GOLGA3: variants seen among roughly 807,000 people sequenced by gnomAD.
GOLGA3 encodes golgin A3.
A neutral mutation model predicts 169.4 loss-of-function variants in GOLGA3; 75 were observed. The observed-to-expected ratio is 0.44, with a 90% CI of 0.37 to 0.54. GOLGA3 has a LOEUF of 0.54. Among genes scored for constraint, GOLGA3 ranks in the 20% least tolerant of loss-of-function variants. GOLGA3 has a pLI of 0.00. For synonymous variants in GOLGA3, 824 were observed against 822.4 expected (o/e 1.00, Z -0.03); for missense variants, 1,899 against 1,930.0 (o/e 0.98, Z 0.30).
Position 132,804,972 on chromosome 12 carries a change from C to G in GOLGA3, c.1341G>C (p.Thr447=). Residue 447 remains threonine, a synonymous_variant, in exon 7 of 24, where the codon ACG becomes ACC. Coordinates refer to ENST00000450791, the MANE Select transcript of GOLGA3 (RefSeq NM_001389683.1). The surrounding 1 kb of genome is among the most constrained non-coding windows in gnomAD (Gnocchi z 4.1). The part of the protein sequence containing the change: ...ELQAQLAALS[T]KLQAQVECSH... ...TGCACTCCACCTGCGCCTGCAGCTTCGTGCTGAGGGCGGCCAGCTGGGCCT... is the reference window on the plus strand; with the variant it reads ...TGCACTCCACCTGCGCCTGCAGCTTGGTGCTGAGGGCGGCCAGCTGGGCCT... 6.2e-7 allele frequency: 1 copy of G among 1,612,692 alleles called. No homozygotes were observed. The highest frequency in any genetic ancestry group is 8.5e-7 in the Non-Finnish European group (1 of 1,179,914).
chr12:132,781,060 A>C (rs1593243457), intron 17 of GOLGA3, 146 bp from the exon 18 acceptor site: 1 of 352,986 alleles, frequency 2.8e-6, no homozygotes, highest in Non-Finnish European at 5.1e-6. Flanking sequence ...AATCTGTGAC[A>C]AAAACAGAAT....
chr12:132,825,298 C>T (rs1950367194), intron 1 of GOLGA3, among the ~76,000 whole-genome samples: 1 of 152,080 alleles, frequency 6.6e-6, no homozygotes, highest in African/African-American at 2.4e-5. Context: ...TCTCGTCTAC[C>T]CCCTCTGCCA....
intron 13 of GOLGA3, among the ~76,000 whole-genome samples, 169 bp from the exon 14 acceptor site, chr12:132,786,956 CTT>C (rs1273463471): frequency 6.9e-6 from 1 of 145,212 alleles, no homozygotes; most frequent in Admixed American, 6.9e-5. Context: ...ACAAACCACT[CTT>C]TTTTTTTTTT....
Position 132,776,932 on chromosome 12 carries a change from C to A in GOLGA3, c.3855+26G>T, listed in dbSNP as rs143224687. 6 of 1,559,746 alleles carry A rather than the reference C, an allele frequency of 3.8e-6. No homozygotes were observed. The African/African-American group carries it at 8.2e-5, about 21-fold the overall frequency. On this transcript the variant is annotated intron_variant, in intron 20 of 23. Coordinates refer to ENST00000450791, the MANE Select transcript of GOLGA3 (RefSeq NM_001389683.1). ...CAGGGCACCCGTGAGTCCAGCCCTG[C>A]AAGTCCAGCCCCCGTGAACCGTCAC...
rs545869283 is a variant in GOLGA3, at chr12:132,792,442, G to A, written c.2470-1149C>T. The stretch of plus-strand genomic sequence containing the variant: ...TTTACAGAACCCGGTGTTGGGCTGC[G>A]CCCACAGGCTGAGGGTGCTGACCCC... On this transcript the variant is annotated intron_variant, in intron 11 of 23. Coordinates refer to ENST00000450791, the MANE Select transcript of GOLGA3 (RefSeq NM_001389683.1). Among the ~76,000 whole-genome samples the A allele has an allele frequency of 8.1e-4, 124 of 152,330 alleles. 1 individual carries two copies. The highest frequency in any genetic ancestry group is 2.7e-3 in the African/African-American group (113 of 41,574).
intron 1 of GOLGA3, among the ~76,000 whole-genome samples, chr12:132,823,161 G>T (rs746727288): frequency 6.6e-6 from 1 of 152,224 alleles, no homozygotes; most frequent in Non-Finnish European, 1.5e-5. Context: ...GGCATCTCAC[G>T]GCAGGGCCCG....
In GOLGA3 at chr12:132,819,007, G is replaced by A. The variant is rs1179607736; in HGVS notation, c.134-2195C>T. On this transcript the variant is annotated intron_variant, in intron 2 of 23. Coordinates refer to ENST00000450791, the MANE Select transcript of GOLGA3 (RefSeq NM_001389683.1). ...AAAGAAAGATTTCTTTCAATGAAGTGATTTTCAGTCTTTTCCCTGCCCCCT... is the reference window on the plus strand; with the variant it reads ...AAAGAAAGATTTCTTTCAATGAAGTAATTTTCAGTCTTTTCCCTGCCCCCT... Among the ~76,000 whole-genome samples, 11 of 150,508 alleles carry A rather than the reference G, an allele frequency of 7.3e-5. No individual in the cohort carries two copies. In the South Asian group the frequency reaches 2.1e-3, roughly 28 times the overall value.
At chr12:132,808,699 G>A (rs1324935541) in intron 4 of GOLGA3, 150 bp from the exon 5 acceptor site, 14 of 702,000 alleles carry the variant, frequency 2.0e-5, no homozygotes, top group South Asian at 5.3e-5. Flanking sequence ...CACAGGGTGC[G>A]GCCAGGCCTC....
In GOLGA3 at chr12:132,774,280, G is replaced by C; in HGVS notation, c.4184C>G (p.Ala1395Gly). The C allele has an allele frequency of 6.2e-7, 1 of 1,612,740 alleles. No homozygotes were observed. The highest frequency in any genetic ancestry group is 8.5e-7 in the Non-Finnish European group (1 of 1,180,020). ...PKGEASSSNP[A>G]TPIKIPDCPV... ...GCAGTCCGGGATCTTGATGGGCGTG[G>C]CAGGGTTGGAAGAGCTGGCCTCGCC... Residue 1395 changes from alanine (A) to glycine (G), a missense_variant, in exon 23 of 24, where the codon GCC becomes GGC. Ala to Gly is a moderately conservative substitution (Grantham distance 60). Transcript: ENST00000450791.
At position 132,804,639 on chromosome 12, in the gene GOLGA3, G is replaced by A. The variant is rs965231683; in HGVS notation, c.1597+77C>T. On this transcript the variant is annotated intron_variant, in intron 7 of 23. Coordinates refer to ENST00000450791, the MANE Select transcript of GOLGA3 (RefSeq NM_001389683.1). The surrounding 1 kb of genome is among the most constrained non-coding windows in gnomAD (Gnocchi z 4.1). ...AGTCAGGGAAGGAGGAGGGCGTGGC[G>A]GGGGCCAGTCGAGGAAGGAGGAGGG... The A allele has an allele frequency of 7.3e-6, 9 of 1,227,254 alleles. No homozygotes were observed. Among genetic ancestry groups the A allele is most frequent in the East Asian group, 7.0e-5 (3 of 42,834 alleles). 76.0% of individuals were successfully genotyped at this position (1,227,254 alleles called of 1,614,324 possible).
intron 8 of GOLGA3, among the ~76,000 whole-genome samples, chr12:132,799,145 C>G (rs1235978400): frequency 6.6e-6 from 1 of 152,186 alleles, no homozygotes; most frequent in Non-Finnish European, 1.5e-5. Context: ...GTGACAGAAG[C>G]CACACGCTCC....
intron 1 of GOLGA3, chr12:132,825,956 A>G: frequency 3.1e-6 from 3 of 955,938 alleles, no homozygotes; most frequent in Non-Finnish European, 5.2e-6. Flanking sequence ...GCAGAGGACC[A>G]CTGTCATCCG....
intron 17 of GOLGA3, among the ~76,000 whole-genome samples, chr12:132,781,162 G>A (rs760739384): frequency 1.2e-4 from 18 of 152,146 alleles, no homozygotes; most frequent in African/African-American, 2.4e-4. Context: ...CAGGAGGATC[G>A]CTGGAGCCCA....
chr12:132,798,252 A>C, intron 9 of GOLGA3, 88 bp downstream of exon 9: 1 of 1,268,978 alleles, frequency 7.9e-7, no homozygotes. Context: ...AGATACACAC[A>C]GAGAGACGGA....
chr12:132,821,940 C>A (rs995585175), intron 2 of GOLGA3, 56 bp downstream of exon 2: 1 of 1,163,966 alleles, frequency 8.6e-7, no homozygotes, highest in Non-Finnish European at 1.2e-6. Flanking sequence ...ACACCACGTC[C>A]TCCCTCAACA....
At chr12:132,822,476 G>C (rs2136789628) in intron 1 of GOLGA3, among the ~76,000 whole-genome samples, 165 bp from the exon 2 acceptor site, 1 of 152,312 alleles carries the variant, frequency 6.6e-6, no homozygotes, top group South Asian at 2.1e-4. Flanking sequence ...AGGTTTTGAG[G>C]CTAAGATGCT....
At chr12:132,795,453 C>G (rs529455475) in intron 11 of GOLGA3, among the ~76,000 whole-genome samples, 1 of 152,080 alleles carries the variant, frequency 6.6e-6, no homozygotes, top group Admixed American at 6.5e-5. Flanking sequence ...ATGGCAAAAC[C>G]CCATCTCTAC....
rs576901642 is a variant in GOLGA3, at chr12:132,786,986, C to T, written c.2812-199G>A. On this transcript the variant is annotated intron_variant, in intron 13 of 23. Transcript: ENST00000450791. Reference sequence around the variant, plus strand: ...TTTTTTTTATTGAGATGGAGTCTCACTCTGTCACCCAGGCTGGAGTGCAGG... The same window carrying T: ...TTTTTTTTATTGAGATGGAGTCTCATTCTGTCACCCAGGCTGGAGTGCAGG... Among the ~76,000 whole-genome samples, 18 of 151,972 alleles carry T rather than the reference C, an allele frequency of 1.2e-4. 1 individual carries two copies. The South Asian group carries it at 2.3e-3, about 19-fold the overall frequency.
intron 18 of GOLGA3, among the ~76,000 whole-genome samples, chr12:132,778,941 A>G (rs2045397950): frequency 6.6e-6 from 1 of 151,792 alleles, no homozygotes; most frequent in Admixed American, 6.6e-5. Context: ...GCACGGAGCG[A>G]AAGCTGGAGA....
Sources: allele counts gnomAD v4.1 joint callset (sites outside exome capture counted in the v4.1 genomes callset), GRCh38; gene constraint gnomAD v4.1.1; non-coding constraint Gnocchi (gnomAD v3.1); transcripts MANE v1.5; gene names NCBI Gene and HGNC (gene_info 2026-07-23, HGNC 2026-07-21).